The following UBE2E2 variants were observed in gnomAD, a reference collection of about 807,000 sequenced individuals.
The protein encoded by UBE2E2 is ubiquitin conjugating enzyme E2 E2, also known as ubiquitin-conjugating enzyme E2 E2.
Under a neutral mutation model 24.7 loss-of-function variants are expected in UBE2E2, and 6 were observed. That is an observed-to-expected ratio of 0.24 (90% CI 0.13 to 0.48). The LOEUF is 0.48. Ranked by LOEUF, UBE2E2 falls within the 20% of genes least tolerant of loss-of-function variation. The pLI is 0.99. For missense variants in UBE2E2, 169 were observed against 245.0 expected, an observed-to-expected ratio of 0.69 and a Z score of 2.07; for synonymous variants, 104 against 83.6, an observed-to-expected ratio of 1.24 and a Z score of -1.33.
chr3:23,519,260 T>C (rs1199051097), intron 4 of UBE2E2, among the ~76,000 whole-genome samples: 3 of 152,114 alleles, frequency 2.0e-5, no homozygotes, highest in African/African-American at 7.2e-5. Context: ...TTTTTTTTTT[T>C]GCTATTTTAT....
intron 4 of UBE2E2, among the ~76,000 whole-genome samples, chr3:23,529,556 T>A (rs1232765655): frequency 6.6e-6 from 1 of 152,216 alleles, no homozygotes; most frequent in Non-Finnish European, 1.5e-5. Context: ...CACTTACCAC[T>A]TGTGGGATCT....
chr3:23,247,608 C>A (rs1022267155), intron 3 of UBE2E2, among the ~76,000 whole-genome samples: 1 of 152,124 alleles, frequency 6.6e-6, no homozygotes, highest in Non-Finnish European at 1.5e-5. Context: ...TCTGCCTTGG[C>A]CTCCCAAAGT....
intron 3 of UBE2E2, among the ~76,000 whole-genome samples, chr3:23,451,663 T>C (rs1559387665): frequency 6.6e-6 from 1 of 152,250 alleles, no homozygotes; most frequent in Non-Finnish European, 1.5e-5. Flanking sequence ...TAAAGTACTT[T>C]TACAACATGA....
At chr3:23,394,866 G>C (rs1697037546) in intron 3 of UBE2E2, among the ~76,000 whole-genome samples, 1 of 152,282 alleles carries the variant, frequency 6.6e-6, no homozygotes, top group Admixed American at 6.5e-5. Context: ...GGAATAAGGT[G>C]ATCTGCCAGA....
chr3:23,534,559 CTT>C (rs1307145977), intron 5 of UBE2E2, among the ~76,000 whole-genome samples: 1 of 152,178 alleles, frequency 6.6e-6, no homozygotes, highest in Non-Finnish European at 1.5e-5. Flanking sequence ...GTTTATCACA[CTT>C]TTTAACACAT....
intron 3 of UBE2E2, among the ~76,000 whole-genome samples, chr3:23,415,428 C>T (rs1697599691): frequency 6.6e-6 from 1 of 152,168 alleles, no homozygotes; most frequent in South Asian, 2.1e-4. Flanking sequence ...AGACCAACAT[C>T]CTTTGCTACC....
At chr3:23,572,329 C>A (rs1029557486) in intron 5 of UBE2E2, among the ~76,000 whole-genome samples, 8 of 152,140 alleles carry the variant, frequency 5.3e-5, no homozygotes, top group African/African-American at 1.9e-4. Context: ...TCATTTTAGA[C>A]TCAGAGGAAT....
In UBE2E2 at chr3:23,386,136, T is replaced by C. The variant is rs573632044; in HGVS notation, c.228-113472T>C. Among the ~76,000 whole-genome samples, 7 of 152,342 alleles carry C rather than the reference T, an allele frequency of 4.6e-5. No individual in the cohort carries two copies. In the South Asian group the frequency reaches 1.5e-3, roughly 32 times the overall value. The stretch of plus-strand genomic sequence containing the variant: ...TAATTGTAGAATGTCTTAGCCTGTT[T>C]GGAATGCCGTAACAAAATACCATAA... On this transcript the variant is annotated intron_variant, in intron 3 of 5. Coordinates refer to ENST00000396703, the MANE Select transcript of UBE2E2 (RefSeq NM_152653.4).
chr3:23,224,371 ACTT>A (rs1223462902), intron 3 of UBE2E2, among the ~76,000 whole-genome samples: 2 of 151,424 alleles, frequency 1.3e-5, no homozygotes, highest in Non-Finnish European at 2.9e-5. Context: ...TGAGTCTTTC[ACTT>A]CTTTTGTTAG....
chr3:23,428,449 A>G (rs773186887), intron 3 of UBE2E2, among the ~76,000 whole-genome samples: 6 of 152,344 alleles, frequency 3.9e-5, no homozygotes, highest in South Asian at 4.1e-4. Context: ...AAGAAGAAAG[A>G]TCTAAAATCA....
intron 3 of UBE2E2, among the ~76,000 whole-genome samples, chr3:23,243,065 G>C (rs1672483315): frequency 6.7e-6 from 1 of 150,246 alleles, no homozygotes; most frequent in African/African-American, 2.5e-5. Flanking sequence ...CAGCCTGGGC[G>C]ACAGAGTGAG....
rs993460217 is a variant in UBE2E2 at position 23,317,508 on chromosome 3, C to T, written c.227+100196C>T. ...TTTCACACTGCTGATAATAACATAC[C>T]GGAGACCGGGTGATTTATACAGGAT... is the stretch of plus-strand genomic sequence containing the variant. On this transcript the variant is annotated intron_variant, in intron 3 of 5. Coordinates refer to ENST00000396703, the MANE Select transcript of UBE2E2 (RefSeq NM_152653.4). 1.5e-4 allele frequency among the ~76,000 whole-genome samples: 23 copies of T among 152,254 alleles called. No homozygotes were observed. The Middle Eastern group carries it at 0.01, about 68-fold the overall frequency.
At chr3:23,464,823 T>C (rs1698887427) in intron 3 of UBE2E2, among the ~76,000 whole-genome samples, 2 of 152,340 alleles carry the variant, frequency 1.3e-5, no homozygotes, top group South Asian at 4.1e-4. Context: ...GCATTGGGAA[T>C]CAAATGAGAT....
chr3:23,217,527 C>T (rs1696510112), intron 3 of UBE2E2, among the ~76,000 whole-genome samples: 1 of 151,398 alleles, frequency 6.6e-6, no homozygotes, highest in Non-Finnish European at 1.5e-5. Context: ...ACGGAGTTGC[C>T]AAAAGTAGTG....
rs537496462 is a variant in UBE2E2 at position 23,396,972 on chromosome 3, G to A, written c.228-102636G>A. Among the ~76,000 whole-genome samples, 87 of 152,276 alleles carry A rather than the reference G, an allele frequency of 5.7e-4. 1 individual carries two copies. The highest frequency in any genetic ancestry group is 1.0e-3 in the South Asian group (5 of 4,822). ...TGCTTTAAGTAGAGACTTGTGCAAT[G>A]TGCTGGCTCTTGTGAGAAGTGGCTA... On this transcript the variant is annotated intron_variant, in intron 3 of 5. Transcript: ENST00000396703.
At chr3:23,557,488 A>G (rs1430358074) in intron 5 of UBE2E2, among the ~76,000 whole-genome samples, 4 of 152,140 alleles carry the variant, frequency 2.6e-5, no homozygotes, top group Non-Finnish European at 5.9e-5. Flanking sequence ...ACACTCACAC[A>G]CAGACCCATG....
chr3:23,431,713 AT>A (rs200299433), intron 3 of UBE2E2, among the ~76,000 whole-genome samples: 20 of 151,708 alleles, frequency 1.3e-4, no homozygotes, highest in South Asian at 6.3e-4. Flanking sequence ...GTATAAACAG[AT>A]TTTTTTTTAG....
rs528232115 is a variant in UBE2E2, at chr3:23,584,614, C to T, written c.509-5120C>T. On this transcript the variant is annotated intron_variant, in intron 5 of 5. Coordinates refer to ENST00000396703, the MANE Select transcript of UBE2E2 (RefSeq NM_152653.4). Reference sequence around the variant, plus strand: ...CTTTCGCCCAGCTGGAGTACAGTGGCGCAATCATGGCTCACTGTAATCACG... The same window carrying T: ...CTTTCGCCCAGCTGGAGTACAGTGGTGCAATCATGGCTCACTGTAATCACG... Among the ~76,000 whole-genome samples, 10 of 151,260 alleles carry T rather than the reference C, an allele frequency of 6.6e-5. 1 individual carries two copies. Among genetic ancestry groups the T allele is most frequent in the Admixed American group, 4.6e-4 (7 of 15,156 alleles).
At chr3:23,374,308 A>T (rs1038973480) in intron 3 of UBE2E2, among the ~76,000 whole-genome samples, 6 of 152,228 alleles carry the variant, frequency 3.9e-5, no homozygotes, top group Admixed American at 6.5e-5. Context: ...GTTTTAGGAG[A>T]TAAGTGTTTC....
Sources: allele counts gnomAD v4.1 joint callset (sites outside exome capture counted in the v4.1 genomes callset), GRCh38; gene constraint gnomAD v4.1.1; transcripts MANE v1.5; gene names NCBI Gene and HGNC (gene_info 2026-07-23, HGNC 2026-07-21).